KDM6A: variants seen among roughly 807,000 people sequenced by gnomAD.
The protein encoded by KDM6A is lysine demethylase 6A.
KDM6A carries 11 observed loss-of-function variants against 117.6 expected under a neutral mutation model. That is an observed-to-expected ratio of 0.09 (90% confidence interval 0.06 to 0.15). The LOEUF is 0.15. Among genes scored for constraint, KDM6A ranks in the 10% least tolerant of loss-of-function variants. KDM6A has a pLI of 1.00. For missense variants in KDM6A, 799 were observed against 1,077.3 expected (o/e 0.74, Z 3.62); for synonymous variants, 384 against 396.1 (o/e 0.97, Z 0.36).
At chrX:45,088,971 A>T (rs930778779) in intron 25 of KDM6A, among the ~76,000 whole-genome samples, 6 of 112,000 alleles carry the variant, frequency 5.4e-5, no homozygotes, top group African/African-American at 1.6e-4. Flanking sequence ...ATGGAGTCTG[A>T]CATCCAGTCT....
At chrX:44,877,144 T>C (rs2031736801) in intron 2 of KDM6A, among the ~76,000 whole-genome samples, 1 of 112,098 alleles carries the variant, frequency 8.9e-6, no homozygotes, top group Non-Finnish European at 1.9e-5. Context: ...GTGTGCAGTT[T>C]ATTCAAACCA....
At chrX:44,945,516 A>AT (rs1419839455) in intron 2 of KDM6A, among the ~76,000 whole-genome samples, 1 of 110,842 alleles carries the variant, frequency 9.0e-6, no homozygotes, top group African/African-American at 3.3e-5. Context: ...CACTTCAGTA[A>AT]TTCAAATGTA....
chrX:45,051,531 C>T (rs1050019106), intron 8 of KDM6A, among the ~76,000 whole-genome samples, 178 bp from the exon 9 acceptor site: 1 of 111,920 alleles, frequency 8.9e-6, no homozygotes, highest in Admixed American at 9.5e-5. Flanking sequence ...TACTCTGGAA[C>T]AAGGCTTATT....
At chrX:44,952,557 GCCACCGCGTTCAACC>G (rs759717774) in intron 2 of KDM6A, among the ~76,000 whole-genome samples, 111 of 111,291 alleles carry the variant, frequency 1.0e-3, no homozygotes, top group African/African-American at 3.5e-3. Context: ...ATAGGCGCGA[GCCACCGCGTTCAACC>G]CCTCTGCTGA....
intron 6 of KDM6A, among the ~76,000 whole-genome samples, chrX:45,022,420 T>A (rs927673289): frequency 1.8e-5 from 2 of 111,590 alleles, no homozygotes; most frequent in African/African-American, 3.3e-5. Flanking sequence ...ACTTTTACCT[T>A]TAACGAGTCC....
At position 44,973,064 on chromosome X, in the gene KDM6A, AC is replaced by A. The variant is rs764372492; in HGVS notation, c.335-1601del. Among the ~76,000 whole-genome samples the A allele has an allele frequency of 9.2e-4, 101 of 110,300 alleles. No homozygotes were observed. The South Asian group carries it at 0.029, about 31-fold the overall frequency. Reference sequence around the variant, plus strand: ...AAAAAAAAGTAAATCAAAGCAGAACACTTAACACTTCTGGGAGCCTTCACAT... The same window carrying A: ...AAAAAAAAGTAAATCAAAGCAGAACATTAACACTTCTGGGAGCCTTCACAT... On this transcript the variant is annotated intron_variant, in intron 3 of 29. Transcript: ENST00000611820.
In KDM6A at chrX:44,961,228, A is replaced by C; in HGVS notation, c.226-56A>C. The C allele has an allele frequency of 2.3e-5, 20 of 865,972 alleles. No homozygotes were observed. The South Asian group carries it at 4.2e-4, about 18-fold the overall frequency. The allele number at this position is 865,972 out of a possible 1,213,427, so 71.4% of individuals were successfully genotyped here. ...GGCTATATGCATTATCTTGGGGAGG[A>C]AATGTATTTTAGGGCTTTATTTTTT... On this transcript the variant is annotated intron_variant, in intron 2 of 29. Transcript: ENST00000611820.
chrX:45,074,404 C>T (rs2148082454), intron 18 of KDM6A, among the ~76,000 whole-genome samples: 1 of 112,218 alleles, frequency 8.9e-6, no homozygotes, highest in South Asian at 3.6e-4. Flanking sequence ...GTTATCACAG[C>T]CCTGCCCTTT....
chrX:44,930,322 ATGTAT>A (rs1319145641), intron 2 of KDM6A, among the ~76,000 whole-genome samples: 34 of 111,202 alleles, frequency 3.1e-4, no homozygotes, highest in African/African-American at 1.1e-3. Flanking sequence ...TTTTTCTCTG[ATGTAT>A]TGTGCTTTTG....
At chrX:45,058,681 C>T (rs1394850997) in intron 10 of KDM6A, among the ~76,000 whole-genome samples, 2 of 109,979 alleles carry the variant, frequency 1.8e-5, no homozygotes, top group African/African-American at 6.6e-5. Flanking sequence ...TGGAAGAGTG[C>T]CGTGTGTGTG....
At chrX:45,057,495 C>T (rs1426756132) in intron 10 of KDM6A, among the ~76,000 whole-genome samples, 1 of 111,103 alleles carries the variant, frequency 9.0e-6, no homozygotes, top group African/African-American at 3.3e-5. Flanking sequence ...TTGGCCTGTT[C>T]TAAACCAGTG....
chrX:44,887,868 C>T (rs1189361991), intron 2 of KDM6A, among the ~76,000 whole-genome samples: 1 of 111,178 alleles, frequency 9.0e-6, no homozygotes, highest in Non-Finnish European at 1.9e-5. Flanking sequence ...ATTAGCTGGG[C>T]ATGGTGGCAT....
In KDM6A at chrX:44,899,004, G is replaced by GGTGTGTGTGTGT. The variant is rs745714866; in HGVS notation, c.225+25040_225+25051dup. On this transcript the variant is annotated intron_variant, in intron 2 of 29. Transcript: ENST00000611820. The stretch of plus-strand genomic sequence containing the variant: ...AAACTGCGGAGGGAGGGAGAGGGAG[G>GGTGTGTGTGTGT]GTGTGTGTGTGTGTGTGTGTGTGTG... 5.7e-3 allele frequency among the ~76,000 whole-genome samples: 457 copies of GGTGTGTGTGTGT among 79,561 alleles called. 5 individuals carry two copies. Among genetic ancestry groups the GGTGTGTGTGTGT allele is most frequent in the African/African-American group, 0.02 (323 of 15,872 alleles). The allele number at this position is 79,561 out of a possible 115,157, so 69.1% of individuals were successfully genotyped here. A position where few individuals can be genotyped will look rare whatever the true frequency, so the allele number is the denominator to read the frequency against.
intron 4 of KDM6A, among the ~76,000 whole-genome samples, chrX:44,985,069 G>GT (rs1241474756): frequency 9.1e-6 from 1 of 109,647 alleles, no homozygotes; most frequent in African/African-American, 3.3e-5. Context: ...CCATTTGTTT[G>GT]TATCCTCTTT....
At chrX:44,892,609 G>A (rs1052418222) in intron 2 of KDM6A, among the ~76,000 whole-genome samples, 1 of 110,423 alleles carries the variant, frequency 9.1e-6, no homozygotes, top group African/African-American at 3.3e-5. Flanking sequence ...GGAGAATGGC[G>A]TGAACCCGGG....
chrX:45,090,495 T>C (rs1478924852), intron 26 of KDM6A, among the ~76,000 whole-genome samples: 1 of 111,906 alleles, frequency 8.9e-6, no homozygotes, highest in Admixed American at 9.5e-5. Flanking sequence ...AATGAGATAA[T>C]GGGTAAAAAT....
chrX:45,050,351 A>G (rs2043782660), intron 8 of KDM6A, among the ~76,000 whole-genome samples: 1 of 112,454 alleles, frequency 8.9e-6, no homozygotes, highest in African/African-American at 3.2e-5. Flanking sequence ...AAAAAAACAA[A>G]CAAACGAAAA....
chrX:45,015,239 A>G (rs2041914890), intron 5 of KDM6A, among the ~76,000 whole-genome samples: 1 of 109,830 alleles, frequency 9.1e-6, no homozygotes, highest in Non-Finnish European at 1.9e-5. Context: ...AATAGCTTGG[A>G]CTACAGGCTT....
chrX:45,063,394 A>G, intron 16 of KDM6A, 28 bp from the exon 17 acceptor site: 1 of 1,192,154 alleles, frequency 8.4e-7, no homozygotes. Context: ...CACAACCAGC[A>G]TTTACTTTTC....
Sources: gnomAD v4.1 joint callset for allele counts (sites outside exome capture counted in the v4.1 genomes callset) on GRCh38, gnomAD v4.1.1 for gene constraint, MANE v1.5 for transcripts, NCBI Gene and HGNC (gene_info 2026-07-23, HGNC 2026-07-21) for gene names.